Variants in MNAT1 observed in about 807,000 individuals in gnomAD.
MNAT1 encodes the protein MNAT1 component of CDK activating kinase.
A neutral mutation model predicts 42.0 loss-of-function variants in MNAT1; 43 were observed. The ratio of observed to expected loss-of-function variants is 1.02; its 90% CI spans 0.80 to 1.32. The LOEUF is 1.32. Among genes scored for constraint, MNAT1 ranks in the 40% most tolerant of loss-of-function variants. The probability of loss-of-function intolerance (pLI) is 0.00; values close to 1 mark genes in which losing one functional copy is unlikely to be tolerated. For missense variants in MNAT1, 306 were observed against 350.4 expected (o/e 0.87, Z 1.01); for synonymous variants, 118 against 120.0 (o/e 0.98, Z 0.11).
intron 7 of MNAT1, among the ~76,000 whole-genome samples, chr14:60,911,830 A>G (rs1321429542): frequency 1.3e-5 from 2 of 151,900 alleles, no homozygotes; most frequent in East Asian, 1.9e-4. Flanking sequence ...GTAGATGTGT[A>G]TTAGGTCCGC....
chr14:60,780,566 G>C (rs985671791), intron 1 of MNAT1: 6 of 1,520,304 alleles, frequency 3.9e-6, no homozygotes, highest in Non-Finnish European at 5.4e-6. Context: ...AAATAGCATG[G>C]TGGCCTACAA....
At chr14:60,817,477 T>G (rs2032750124) in intron 5 of MNAT1, among the ~76,000 whole-genome samples, 1 of 152,028 alleles carries the variant, frequency 6.6e-6, no homozygotes, top group African/African-American at 2.4e-5. Context: ...ATTAAAAGTT[T>G]TAAACTTTGT....
chr14:60,889,547 A>G (rs2034779946), intron 7 of MNAT1, among the ~76,000 whole-genome samples: 1 of 152,242 alleles, frequency 6.6e-6, no homozygotes, highest in Non-Finnish European at 1.5e-5. Flanking sequence ...ATGGGCAAGG[A>G]CTTCATGTCT....
intron 6 of MNAT1, among the ~76,000 whole-genome samples, chr14:60,861,539 T>A (rs554436885): frequency 1.4e-5 from 2 of 145,988 alleles, no homozygotes; most frequent in South Asian, 4.5e-4. Context: ...TTAAAAAAAA[T>A]CAGTTTAATA....
chr14:60,836,907 G>C (rs2033406596), intron 6 of MNAT1, among the ~76,000 whole-genome samples: 1 of 152,174 alleles, frequency 6.6e-6, no homozygotes, highest in South Asian at 2.1e-4. Context: ...CCTTACTGGG[G>C]CTGCTGCCTT....
rs2032753100 is a variant in MNAT1 at position 60,817,565 on chromosome 14, G to C, written c.562-1157G>C. On this transcript the variant is annotated intron_variant, in intron 5 of 7. Coordinates refer to ENST00000261245, the MANE Select transcript of MNAT1 (RefSeq NM_002431.4). ...TTCTAGGACAATTCTATTGAATTAAGTTGCTTATTTGAGTTATTTCTATAC... is the reference window on the plus strand; with the variant it reads ...TTCTAGGACAATTCTATTGAATTAACTTGCTTATTTGAGTTATTTCTATAC... Among the ~76,000 whole-genome samples, 7 of 151,930 alleles carry C rather than the reference G, an allele frequency of 4.6e-5. 1 individual carries two copies. In the South Asian group the frequency reaches 1.4e-3, roughly 31 times the overall value.
At chr14:60,881,941 C>A (rs1176615604) in intron 7 of MNAT1, among the ~76,000 whole-genome samples, 2 of 152,110 alleles carry the variant, frequency 1.3e-5, no homozygotes, top group Admixed American at 1.3e-4. Context: ...GGGCAGATCA[C>A]TTGAGGTCAG....
Position 60,740,671 on chromosome 14 carries a change from A to G in MNAT1, c.89+5720A>G, listed in dbSNP as rs369109775. Among the ~76,000 whole-genome samples the G allele has an allele frequency of 1.3e-5, 2 of 152,350 alleles. No individual in the cohort carries two copies. Among genetic ancestry groups the G allele is most frequent in the African/African-American group, 4.8e-5 (2 of 41,590 alleles). On this transcript the variant is annotated intron_variant, in intron 1 of 7. Transcript: ENST00000261245. The surrounding 1 kb of genome is among the most constrained non-coding windows in gnomAD (Gnocchi z 4.1). ...TTATTTTAGGTGGAAGATTTAGAAC[A>G]GGAACATTCTAGATATATTATTTTA...
intron 6 of MNAT1, among the ~76,000 whole-genome samples, chr14:60,858,587 C>G (rs985768046): frequency 2.6e-5 from 4 of 152,142 alleles, no homozygotes; most frequent in Admixed American, 2.0e-4. Flanking sequence ...AAGTTCTGTG[C>G]GTTAAATGCT....
At chr14:60,831,208 G>A (rs545142657) in intron 6 of MNAT1, among the ~76,000 whole-genome samples, 18 of 151,452 alleles carry the variant, frequency 1.2e-4, no homozygotes, top group African/African-American at 3.9e-4. Context: ...ACATGTGGAG[G>A]TAAGTTCTTG....
intron 7 of MNAT1, among the ~76,000 whole-genome samples, chr14:60,935,377 T>C (rs1014194027): frequency 6.7e-6 from 1 of 149,980 alleles, no homozygotes; most frequent in Admixed American, 6.7e-5. Flanking sequence ...ATAGTTGATA[T>C]TGAAATACTT....
At chr14:60,792,025 A>T (rs541187834) in intron 1 of MNAT1, among the ~76,000 whole-genome samples, 62 of 152,304 alleles carry the variant, frequency 4.1e-4, no homozygotes, top group African/African-American at 1.5e-3. Context: ...CATCACATAT[A>T]AATAGTTTAT....
chr14:60,884,221 A>G (rs1488796691), intron 7 of MNAT1, among the ~76,000 whole-genome samples: 1 of 152,008 alleles, frequency 6.6e-6, no homozygotes, highest in African/African-American at 2.4e-5. Flanking sequence ...GGCTTTCATT[A>G]TGTTGAGGTA....
intron 1 of MNAT1, among the ~76,000 whole-genome samples, chr14:60,790,280 C>A (rs1422038171): frequency 6.6e-6 from 1 of 152,124 alleles, no homozygotes; most frequent in East Asian, 1.9e-4. Flanking sequence ...AAAAGTCAAG[C>A]TGGGAACTGC....
At chr14:60,756,878 G>C (rs1367347756) in intron 1 of MNAT1, among the ~76,000 whole-genome samples, 1 of 152,088 alleles carries the variant, frequency 6.6e-6, no homozygotes, top group Non-Finnish European at 1.5e-5. Flanking sequence ...CTTGTATTTG[G>C]AGGTAAATGA....
intron 5 of MNAT1, among the ~76,000 whole-genome samples, chr14:60,816,762 T>G (rs1455500651): frequency 6.6e-6 from 1 of 152,106 alleles, no homozygotes; most frequent in East Asian, 1.9e-4. Context: ...GAACTCCTAC[T>G]TAATTCTAGT....
Position 60,764,412 on chromosome 14 carries a change from A to G in MNAT1, c.89+29461A>G, listed in dbSNP as rs17097774. Among the ~76,000 whole-genome samples, 781 of 152,252 alleles carry G rather than the reference A, an allele frequency of 5.1e-3. 13 individuals are homozygous for G. Among genetic ancestry groups the G allele is most frequent in the African/African-American group, 0.018 (732 of 41,532 alleles). ...GCTATACCAGTGACTGTTTTTGTCT[A>G]TCAGATAGTGAAGCTAATTGTCTTA... On this transcript the variant is annotated intron_variant, in intron 1 of 7. Transcript: ENST00000261245.
At chr14:60,773,186 C>G (rs1180660762) in intron 1 of MNAT1, among the ~76,000 whole-genome samples, 1 of 152,158 alleles carries the variant, frequency 6.6e-6, no homozygotes, top group South Asian at 2.1e-4. Context: ...ACCTGCCCGC[C>G]TTTGCCTCCC....
intron 7 of MNAT1, among the ~76,000 whole-genome samples, chr14:60,947,885 A>C (rs1282264004): frequency 6.6e-6 from 1 of 152,054 alleles, no homozygotes; most frequent in Non-Finnish European, 1.5e-5. Flanking sequence ...TACCTCAGCA[A>C]ATCTTCCAGG....
Sources: gnomAD v4.1 joint callset for allele counts (sites outside exome capture counted in the v4.1 genomes callset) on GRCh38, gnomAD v4.1.1 for gene constraint, Gnocchi (gnomAD v3.1) non-coding constraint, MANE v1.5 for transcripts, NCBI Gene and HGNC (gene_info 2026-07-23, HGNC 2026-07-21) for gene names.